The following BRCA1 variants were observed in gnomAD, a reference collection of about 807,000 sequenced individuals.
BRCA1 encodes the protein BRCA1 DNA repair associated, also known as breast cancer type 1 susceptibility protein.
A neutral mutation model predicts 173.7 loss-of-function variants in BRCA1; 140 were observed. That is an observed-to-expected ratio of 0.81 (90% CI 0.70 to 0.93). The LOEUF (loss-of-function observed/expected upper bound fraction) is 0.93. Ranked by LOEUF, BRCA1 falls within the 40% of genes least tolerant of loss-of-function variation. BRCA1 has a pLI of 0.00. For synonymous variants in BRCA1, 662 were observed against 756.0 expected, an observed-to-expected ratio of 0.88 and a Z score of 2.04; for missense variants, 1,983 against 2,172.5, an observed-to-expected ratio of 0.91 and a Z score of 1.73.
At chr17:43,099,718 A>G (rs1567805839) in intron 7 of BRCA1, 57 bp downstream of exon 7, 6 of 1,464,962 alleles carry the variant, frequency 4.1e-6, no homozygotes, top group Non-Finnish European at 5.7e-6. Flanking sequence ...TGGCAAAACT[A>G]TAAGATAAGG....
rs876659990 is a variant in BRCA1, at chr17:43,092,571, T to C, written c.2960A>G (p.Lys987Arg). Residue 987 changes from lysine (K) to arginine (R), a missense_variant, in exon 10 of 23, where the codon AAG (lysine) becomes AGG (arginine). By Grantham distance (26) the Lys-to-Arg change is conservative. Coordinates refer to ENST00000357654, the MANE Select transcript of BRCA1 (RefSeq NM_007294.4). ...PYRIPPLFPI[K>R]SFVKTKCKKN... Reference sequence around the variant, plus strand: ...CTTACATTTAGTTTTAACAAATGACTTGATGGGAAAAAGTGGTGGTATACG... The same window carrying C: ...CTTACATTTAGTTTTAACAAATGACCTGATGGGAAAAAGTGGTGGTATACG... The C allele has an allele frequency of 8.1e-6, 13 of 1,614,120 alleles. No homozygotes were observed. The highest frequency in any genetic ancestry group is 1.1e-5 in the Non-Finnish European group (13 of 1,180,010).
At chr17:43,123,360 T>G (rs978384457) in intron 2 of BRCA1, among the ~76,000 whole-genome samples, 2 of 146,752 alleles carry the variant, frequency 1.4e-5, no homozygotes, top group East Asian at 3.9e-4. Context: ...TTTTTTTTTT[T>G]TTTTTTTTTT....
intron 11 of BRCA1, among the ~76,000 whole-genome samples, chr17:43,084,448 G>T (rs766169604): frequency 5.3e-5 from 8 of 152,194 alleles, no homozygotes; most frequent in Non-Finnish European, 1.2e-4. Context: ...TTACAGACGT[G>T]AGTCACTGTG....
At chr17:43,054,171 T>C (rs1434213614) in intron 19 of BRCA1, among the ~76,000 whole-genome samples, 1 of 152,182 alleles carries the variant, frequency 6.6e-6, no homozygotes, top group African/African-American at 2.4e-5. Flanking sequence ...GTGCTAATAC[T>C]GCCTAGCATA....
rs572649808 is a variant in BRCA1 at position 43,112,953 on chromosome 17, G to A, written c.134+2773C>T. Reference sequence around the variant, plus strand: ...CAAGTAACTGGGATTACAGGCATGCGCCTCCACGCCCGTCTAATTTTGTAT... The same window carrying A: ...CAAGTAACTGGGATTACAGGCATGCACCTCCACGCCCGTCTAATTTTGTAT... On this transcript the variant is annotated intron_variant, in intron 3 of 22. Coordinates refer to ENST00000357654, the MANE Select transcript of BRCA1 (RefSeq NM_007294.4). Among the ~76,000 whole-genome samples the A allele has an allele frequency of 3.9e-5, 6 of 152,144 alleles. No individual in the cohort carries two copies. In the South Asian group the frequency reaches 8.3e-4, roughly 21 times the overall value.
chr17:43,048,985 CT>C, intron 21 of BRCA1, 135 bp downstream of exon 21: 1 of 809,446 alleles, frequency 1.2e-6, no homozygotes, highest in Non-Finnish European at 2.1e-6. Context: ...CAGATGGAGT[CT>C]TTTGGCACAG....
chr17:43,163,230 G>C (rs2056247383), intron 1 of BRCA1: 1 of 152,254 alleles, frequency 6.6e-6, no homozygotes, highest in African/African-American at 2.4e-5. Context: ...GTTGTTTTGA[G>C]AGATAGGCCA....
intron 1 of BRCA1, chr17:43,131,384 A>AATG: frequency 3.9e-6 from 1 of 253,206 alleles, no homozygotes; most frequent in Non-Finnish European, 8.6e-6. Flanking sequence ...GTCTCAAAAT[A>AATG]ATAATAATAA....
At chr17:43,050,538 G>T (rs543566267) in intron 20 of BRCA1, among the ~76,000 whole-genome samples, 45 of 151,340 alleles carry the variant, frequency 3.0e-4, no homozygotes, top group Non-Finnish European at 5.7e-4. Flanking sequence ...ACTTGAACCC[G>T]GGAGGTGGAG....
intron 4 of BRCA1, 121 bp downstream of exon 4, chr17:43,106,335 T>A: frequency 1.5e-6 from 1 of 676,416 alleles, no homozygotes; most frequent in Non-Finnish European, 2.5e-6. Flanking sequence ...TACTGTGTGC[T>A]AAAAACTCTT....
At chr17:43,110,478 T>C in intron 3 of BRCA1, 1 of 371,130 alleles carries the variant, frequency 2.7e-6, no homozygotes. Context: ...CCCAGCTACT[T>C]GGGAGACTGA....
At chr17:43,153,652 A>G (rs2056177713) in intron 1 of BRCA1, 1 of 152,060 alleles carries the variant, frequency 6.6e-6, no homozygotes, top group African/African-American at 2.4e-5. Context: ...CCTAAATAAT[A>G]AAGATCCTCC....
chr17:43,060,230 C>T (rs1194765438), intron 18 of BRCA1, among the ~76,000 whole-genome samples: 3 of 152,062 alleles, frequency 2.0e-5, no homozygotes, highest in Admixed American at 6.6e-5. Context: ...CGCGCCACCA[C>T]GCTGGGCAAA....
chr17:43,125,186 C>T (rs2055820226), intron 1 of BRCA1, 85 bp downstream of exon 1: 1 of 455,420 alleles, frequency 2.2e-6, no homozygotes, highest in African/African-American at 2.0e-5. Context: ...GAATACCCAT[C>T]TGTCAGCTTC....
chr17:43,116,707 T>C (rs950539317), intron 2 of BRCA1, among the ~76,000 whole-genome samples: 1 of 151,910 alleles, frequency 6.6e-6, no homozygotes, highest in African/African-American at 2.4e-5. Context: ...TTTAGTAGAG[T>C]TGGGGTTTCA....
intron 22 of BRCA1, 80 bp downstream of exon 22, chr17:43,047,563 C>T (rs1384436809): frequency 6.5e-6 from 9 of 1,391,104 alleles, no homozygotes; most frequent in Non-Finnish European, 8.2e-6. Context: ...AACTGTGCTA[C>T]TCAAGCACCA....
At chr17:43,054,357 C>G (rs1597807830) in intron 19 of BRCA1, among the ~76,000 whole-genome samples, 1 of 152,212 alleles carries the variant, frequency 6.6e-6, no homozygotes, top group Non-Finnish European at 1.5e-5. Flanking sequence ...GTGATCATGT[C>G]CCAAAGCAGT....
intron 3 of BRCA1, among the ~76,000 whole-genome samples, chr17:43,115,496 T>C (rs933121235): frequency 1.5e-5 from 2 of 133,634 alleles, no homozygotes; most frequent in African/African-American, 5.6e-5. Context: ...AGCGAGACTT[T>C]GTCTCAAAAA....
At chr17:43,058,598 T>G (rs939194869) in intron 18 of BRCA1, among the ~76,000 whole-genome samples, 4 of 152,194 alleles carry the variant, frequency 2.6e-5, no homozygotes, top group African/African-American at 9.7e-5. Flanking sequence ...ATTTTAATTT[T>G]CAACATCTAT....
Sources: gnomAD v4.1 joint callset for allele counts (sites outside exome capture counted in the v4.1 genomes callset) on GRCh38, gnomAD v4.1.1 for gene constraint, MANE v1.5 for transcripts, NCBI Gene and HGNC (gene_info 2026-07-23, HGNC 2026-07-21) for gene names.